CARNS1: variants seen among roughly 807,000 people sequenced by gnomAD.
The protein encoded by CARNS1 is ATP-grasp domain containing 1.
Under a neutral mutation model 74.0 loss-of-function variants are expected in CARNS1, and 61 were observed. The observed-to-expected ratio is 0.82, with a 90% confidence interval of 0.67 to 1.02. The LOEUF is 1.02. Among genes scored for constraint, CARNS1 ranks in the 50% least tolerant of loss-of-function variants. CARNS1 has a pLI of 0.00. For synonymous variants in CARNS1, 568 were observed against 605.5 expected (o/e 0.94, Z 0.91); for missense variants, 1,278 against 1,308.4 (o/e 0.98, Z 0.36).
chr11:67,420,964 CG>C lies in CARNS1; in HGVS notation c.1373del (p.Gly458AlafsTer4). The C allele has an allele frequency of 7.0e-7, 1 of 1,424,158 alleles. No individual in the cohort carries two copies. The highest frequency in any genetic ancestry group is 9.2e-7 in the Non-Finnish European group (1 of 1,091,456). 88.2% of individuals were successfully genotyped at this position (1,424,158 alleles called of 1,614,324 possible). The part of the protein sequence containing the change: ...LGVDFALTAA[G>X]GVLTPVALEL... ...GCGTGGATTTCGCGCTGACAGCGGC[CG>C]GCGGCGTGCTGACCCCAGTGGCCCT... On this transcript the variant is annotated frameshift_variant, in exon 9 of 10. Transcript: ENST00000687366. LOFTEE classifies it high-confidence loss of function.
rs750843240 is a variant in CARNS1 at position 67,424,296 on chromosome 11, C to T, written c.2548C>T (p.Pro850Ser). The part of the protein sequence containing the change: ...MVACGLRPAL[P>S]TRPRARGHLV... ...GGCCTGTGGCTTGCGTCCTGCCCTG[C>T]CCACCCGCCCACGTGCTCGTGGCCA... The change falls in exon 10 of 10, where the codon CCC becomes TCC. Residue 850 changes from proline (P) to serine (S), a missense_variant. This residue lies in a region of CARNS1 where 1,164 missense variants were observed against 1,156.5 expected (regional missense o/e 1.01). Transcript: ENST00000687366. The T allele has an allele frequency of 1.9e-6, 3 of 1,611,942 alleles. No homozygotes were observed. Among genetic ancestry groups the T allele is most frequent in the East Asian group, 2.2e-5 (1 of 44,898 alleles).
chr11:67,419,902 G>A (rs1033323631), intron 7 of CARNS1, 64 bp downstream of exon 7: 4 of 1,498,212 alleles, frequency 2.7e-6, no homozygotes, highest in African/African-American at 1.4e-5. Flanking sequence ...TCCCAGTAGT[G>A]GTTTGCCAAG....
At chr11:67,416,881 T>C (rs1863557797) in intron 2 of CARNS1, 1 of 986,430 alleles carries the variant, frequency 1.0e-6, no homozygotes, top group Non-Finnish European at 1.2e-6. Flanking sequence ...GGGCACACAG[T>C]AGGGCTTCAA....
chr11:67,417,242 T>G, intron 2 of CARNS1, 165 bp from the exon 3 acceptor site: 1 of 1,235,770 alleles, frequency 8.1e-7, no homozygotes. Flanking sequence ...GCGTTCCCAT[T>G]AACAAGCCTT....
Position 67,420,762 on chromosome 11 carries a change from C to G in CARNS1, c.1267C>G (p.Leu423Val). ...CGTCAAGGCGGCGGCCGAGGCCGCG[C>G]TGGCCGCCGTGCTGGCTCTGGAGGC... ...QRVKAAAEAA[L>V]AAVLALEAGL... The change falls in exon 8 of 10, where the codon CTG (leucine) becomes GTG (valine). Residue 423 changes from leucine (L) to valine (V), a missense_variant. Physicochemically the swap from Leu to Val is conservative, Grantham distance 32. This residue lies in a region of CARNS1 where 1,164 missense variants were observed against 1,156.5 expected (regional missense o/e 1.01). Coordinates refer to ENST00000687366, the MANE Select transcript of CARNS1 (RefSeq NM_001166222.2). 1 of 1,242,178 alleles carries G rather than the reference C, an allele frequency of 8.1e-7. No individual in the cohort carries two copies. The highest frequency in any genetic ancestry group is 1.0e-6 in the Non-Finnish European group (1 of 996,180). 76.9% of individuals were successfully genotyped at this position (1,242,178 alleles called of 1,614,324 possible).
intron 2 of CARNS1, 143 bp downstream of exon 2, chr11:67,416,345 C>T: frequency 6.8e-7 from 1 of 1,473,552 alleles, no homozygotes; most frequent in East Asian, 2.6e-5. Flanking sequence ...CTCCCCCACC[C>T]CCACCCTGCG....
intron 9 of CARNS1, among the ~76,000 whole-genome samples, chr11:67,422,171 CTTTTTTTTT>C (rs35293042): frequency 4.1e-5 from 3 of 72,798 alleles, no homozygotes; most frequent in Non-Finnish European, 7.3e-5. Flanking sequence ...CGCGCCCGGC[CTTTTTTTTT>C]TTTTTTTTTT....
intron 9 of CARNS1, 22 bp downstream of exon 9, chr11:67,421,241 G>GCTGGGCCCCAGGTC (rs1818325726): frequency 1.4e-6 from 2 of 1,469,578 alleles, no homozygotes; most frequent in African/African-American, 1.5e-5. Context: ...GCGGGGCGGG[G>GCTGGGCCCCAGGTC]CTGGGCCCCA....
chr11:67,421,149 T>G lies in CARNS1; in HGVS notation c.1556T>G (p.Leu519Arg), dbSNP rs890809110. The change falls in exon 9 of 10, where the codon CTG (leucine) becomes CGG (arginine). Residue 519 changes from leucine to arginine, a missense_variant. This residue lies in a region of CARNS1 where 1,164 missense variants were observed against 1,156.5 expected (regional missense o/e 1.01). Coordinates refer to ENST00000687366, the MANE Select transcript of CARNS1 (RefSeq NM_001166222.2). Reference sequence around the variant, plus strand: ...CGCTGCCTCATGGAGGGAAAACAGCTGCTGGTGGTCGGCGCTGGCGGCGTC... The same window carrying G: ...CGCTGCCTCATGGAGGGAAAACAGCGGCTGGTGGTCGGCGCTGGCGGCGTC... ...SARCLMEGKQ[L>R]LVVGAGGVSK... 1 of 1,492,430 alleles carries G rather than the reference T, an allele frequency of 6.7e-7. No homozygotes were observed. The highest frequency in any genetic ancestry group is 8.9e-7 in the Non-Finnish European group (1 of 1,127,462). 92.4% of individuals were successfully genotyped at this position (1,492,430 alleles called of 1,614,324 possible). A position where few individuals can be genotyped will look rare whatever the true frequency, so the allele number is the denominator to read the frequency against.
chr11:67,423,371 G>A lies in CARNS1; in HGVS notation c.1627-4G>A, dbSNP rs1004770865. Reference sequence around the variant, plus strand: ...GGATATGCCCCACCCTGTGGCTTCTGCAGCTGCACCTCGTGGAGTCAGACC... The same window carrying A: ...GGATATGCCCCACCCTGTGGCTTCTACAGCTGCACCTCGTGGAGTCAGACC... On this transcript the variant is annotated splice_region_variant and splice_polypyrimidine_tract_variant and intron_variant, in intron 9 of 9. Coordinates refer to ENST00000687366, the MANE Select transcript of CARNS1 (RefSeq NM_001166222.2). The surrounding 1 kb of genome is among the most constrained non-coding windows in gnomAD (Gnocchi z 5.1). 3.1e-6 allele frequency: 5 copies of A among 1,594,468 alleles called. No homozygotes were observed. Among genetic ancestry groups the A allele is most frequent in the Non-Finnish European group, 3.4e-6 (4 of 1,167,496 alleles).
rs1290066410 is a variant in CARNS1, at chr11:67,423,955, A to T, written c.2207A>T (p.Asp736Val). 1 of 1,613,418 alleles carries T rather than the reference A, an allele frequency of 6.2e-7. No homozygotes were observed. The highest frequency in any genetic ancestry group is 1.3e-5 in the African/African-American group (1 of 74,900). ...GTGGAGGGCACCGAGCACGACGTGG[A>T]CCTGGTGTTGTTTGGTGGGCGGTTG... The part of the protein sequence containing the change: ...EFVEGTEHDV[D>V]LVLFGGRLLA... The change falls in exon 10 of 10, where the codon GAC (aspartate) becomes GTC (valine). Residue 736 changes from aspartate to valine, a missense_variant. This residue lies in a region of CARNS1 where 1,164 missense variants were observed against 1,156.5 expected (regional missense o/e 1.01). Coordinates refer to ENST00000687366, the MANE Select transcript of CARNS1 (RefSeq NM_001166222.2). This position sits in a 1 kb window ranked among gnomAD's most constrained non-coding sequence, Gnocchi z 5.1.
At chr11:67,415,956 C>T in intron 1 of CARNS1, 193 bp downstream of exon 1, 1 of 500,908 alleles carries the variant, frequency 2.0e-6, no homozygotes, top group Non-Finnish European at 3.6e-6. Flanking sequence ...GACCCCAGGG[C>T]AGGAAGGACC....
In CARNS1 at chr11:67,420,660, C is replaced by T. The variant is rs1252090455; in HGVS notation, c.1165C>T (p.Leu389=). ...GDRPLRHHNS[L]PRTLEVALAQ... is the part of the protein sequence containing the mutation. ...CCGCCCTCTACGGCACCACAACTCC[C>T]TGCCGAGGACGCTGGAGGTGGCGCT... The change falls in exon 8 of 10, where the codon CTG becomes TTG. Residue 389 remains leucine, a synonymous_variant. Transcript: ENST00000687366. 3.2e-6 allele frequency: 4 copies of T among 1,257,332 alleles called. No homozygotes were observed. The highest frequency in any genetic ancestry group is 4.0e-6 in the Non-Finnish European group (4 of 1,002,932). The allele number at this position is 1,257,332 out of a possible 1,614,324, so 77.9% of individuals were successfully genotyped here. A position where few individuals can be genotyped will look rare whatever the true frequency, so the allele number is the denominator to read the frequency against.
At position 67,424,685 on chromosome 11, in the gene CARNS1, C is replaced by G; in HGVS notation, c.*84C>G. On this transcript the variant is annotated 3_prime_UTR_variant, in exon 10 of 10. Transcript: ENST00000687366. ...TCCCTGGAGCTCTTCCTGCTTCTCT[C>G]CCCATCACCATGCCCCAGCCCCAGC... 2.2e-6 allele frequency: 3 copies of G among 1,395,144 alleles called. No individual in the cohort carries two copies. The highest frequency in any genetic ancestry group is 1.9e-6 in the Non-Finnish European group (2 of 1,045,888). 86.4% of individuals were successfully genotyped at this position (1,395,144 alleles called of 1,614,324 possible). A position where few individuals can be genotyped will look rare whatever the true frequency, so the allele number is the denominator to read the frequency against.
rs1268865987 is a variant in CARNS1, at chr11:67,419,656, G to A, written c.1022G>A (p.Cys341Tyr). Residue 341 changes from cysteine to tyrosine, a missense_variant, in exon 6 of 10, where the codon TGC (cysteine) becomes TAC (tyrosine). By Grantham distance (194) the Cys-to-Tyr change is radical (BLOSUM62 -2). Transcript: ENST00000687366. Reference sequence around the variant, plus strand: ...GTGTACCCACCTGCCCAGCTGCCCTGCTCAGGTGAGAGCCACCTGGGCTGA... The same window carrying A: ...GTGTACCCACCTGCCCAGCTGCCCTACTCAGGTGAGAGCCACCTGGGCTGA... ...EAVYPPAQLP[C>Y]SDGPSPGPGL... The A allele has an allele frequency of 6.3e-7, 1 of 1,593,812 alleles. No homozygotes were observed. Among genetic ancestry groups the A allele is most frequent in the Non-Finnish European group, 8.5e-7 (1 of 1,170,940 alleles).
Position 67,423,824 on chromosome 11 carries a change from A to G in CARNS1, c.2076A>G (p.Pro692=). The change falls in exon 10 of 10, where the codon CCA becomes CCG. Residue 692 remains proline (P), a synonymous_variant. Coordinates refer to ENST00000687366, the MANE Select transcript of CARNS1 (RefSeq NM_001166222.2). The surrounding 1 kb of genome is among the most constrained non-coding windows in gnomAD (Gnocchi z 5.1). The part of the protein sequence containing the change: ...AVGVRLVEDA[P]QCHEHFSRIT... ...GTGTCCGGCTGGTAGAGGATGCGCC[A>G]CAGTGCCATGAGCACTTTTCCCGGA... 6.2e-7 allele frequency: 1 copy of G among 1,610,286 alleles called. No homozygotes were observed. Among genetic ancestry groups the G allele is most frequent in the Non-Finnish European group, 8.5e-7 (1 of 1,179,786 alleles).
chr11:67,420,558 C>T (rs1429533301), intron 7 of CARNS1, 51 bp from the exon 8 acceptor site: 2 of 1,135,516 alleles, frequency 1.8e-6, no homozygotes, highest in Admixed American at 4.2e-5. Context: ...TGGGGGTGTG[C>T]GTGGGGGGCA....
Position 67,423,287 on chromosome 11 carries a change from C to A in CARNS1, c.1627-88C>A. ...ACCTAGTGTTTGTGTACTCGTATCC[C>A]CTGAAGGGGCCATCCTAGGCCCCAT... is the stretch of plus-strand genomic sequence containing the variant. On this transcript the variant is annotated intron_variant, in intron 9 of 9. Transcript: ENST00000687366. The surrounding 1 kb of genome is among the most constrained non-coding windows in gnomAD (Gnocchi z 5.1). The A allele has an allele frequency of 7.3e-7, 1 of 1,363,878 alleles. No individual in the cohort carries two copies. The highest frequency in any genetic ancestry group is 1.4e-5 in the South Asian group (1 of 72,108). The allele number at this position is 1,363,878 out of a possible 1,614,324, so 84.5% of individuals were successfully genotyped here.
At chr11:67,420,330 G>C (rs1044487680) in intron 7 of CARNS1, among the ~76,000 whole-genome samples, 1 of 152,126 alleles carries the variant, frequency 6.6e-6, no homozygotes, top group Non-Finnish European at 1.5e-5. Context: ...GCTAGGGTGG[G>C]GCACACCAGG....
Sources: gnomAD v4.1 joint callset for allele counts (sites outside exome capture counted in the v4.1 genomes callset) on GRCh38, gnomAD v4.1.1 for gene constraint, gnomAD v4.1.1 regional missense constraint, Gnocchi (gnomAD v3.1) non-coding constraint, MANE v1.5 for transcripts, NCBI Gene and HGNC (gene_info 2026-07-23, HGNC 2026-07-21) for gene names.